Variants in ADAM23 observed in about 807,000 individuals in gnomAD.
ADAM23 encodes the protein ADAM metallopeptidase domain 23.
In ADAM23, 33 loss-of-function variants were observed where a neutral mutation model predicts 120.1. The ratio of observed to expected loss-of-function variants is 0.27; its 90% CI spans 0.21 to 0.37. ADAM23 has a LOEUF of 0.37. Among genes scored for constraint, ADAM23 ranks in the 10% least tolerant of loss-of-function variants. The pLI is 1.00. For synonymous variants in ADAM23, 367 were observed against 375.2 expected (o/e 0.98, Z 0.25); for missense variants, 862 against 1,058.2 (o/e 0.81, Z 2.57).
intron 3 of ADAM23, among the ~76,000 whole-genome samples, chr2:206,493,292 G>T (rs7593808): frequency 0.7 from 106,149 of 152,160 alleles, 37,480 homozygotes; most frequent in African/African-American, 0.79. Context: ...TTGTTCTAAT[G>T]CTTCTTCCAT....
Position 206,618,257 on chromosome 2 carries a change from C to G in ADAM23, c.*630C>G, listed in dbSNP as rs989468397. ...TCTCGGAGCCCCACTTCTTACCCCC[C>G]ACCTCCCACCCTCTATAATCCCCAC... is the stretch of plus-strand genomic sequence containing the variant. On this transcript the variant is annotated 3_prime_UTR_variant, in exon 26 of 26. Transcript: ENST00000264377. The G allele has an allele frequency of 6.6e-6, 1 of 152,120 alleles. No individual in the cohort carries two copies. Among genetic ancestry groups the G allele is most frequent in the South Asian group, 2.1e-4 (1 of 4,818 alleles). 9.4% of individuals were successfully genotyped at this position (152,120 alleles called of 1,614,324 possible).
intron 5 of ADAM23, among the ~76,000 whole-genome samples, 169 bp downstream of exon 5, chr2:206,542,303 A>G (rs561802363): frequency 6.6e-6 from 1 of 152,356 alleles, no homozygotes; most frequent in South Asian, 2.1e-4. Flanking sequence ...TAGTGTTTGC[A>G]GGAGATTCAG....
intron 21 of ADAM23, among the ~76,000 whole-genome samples, 195 bp from the exon 22 acceptor site, chr2:206,592,422 T>C (rs1698441855): frequency 6.6e-6 from 1 of 152,204 alleles, no homozygotes; most frequent in Non-Finnish European, 1.5e-5. Context: ...GGCACTTTGC[T>C]GTTCCAAACA....
intron 9 of ADAM23, among the ~76,000 whole-genome samples, chr2:206,551,441 C>T (rs1697523081): frequency 6.6e-6 from 1 of 151,996 alleles, no homozygotes; most frequent in African/African-American, 2.4e-5. Flanking sequence ...CTTGTTTTAT[C>T]AAAACAAAGT....
intron 25 of ADAM23, among the ~76,000 whole-genome samples, chr2:206,617,154 C>T (rs1480217481): frequency 1.3e-5 from 2 of 152,152 alleles, no homozygotes; most frequent in Non-Finnish European, 2.9e-5. Flanking sequence ...TATAGAACTG[C>T]TATAAGCCTG....
intron 3 of ADAM23, among the ~76,000 whole-genome samples, chr2:206,518,477 T>G (rs1159038641): frequency 6.6e-6 from 1 of 152,158 alleles, no homozygotes; most frequent in African/African-American, 2.4e-5. Context: ...AGTATATTTA[T>G]TTTTTAGTGT....
At position 206,543,248 on chromosome 2, in the gene ADAM23, G is replaced by C. The variant is rs1426319665; in HGVS notation, c.657-5G>C. ...CCCTCCTTTGTGTGGTTTCTTTTGT[G>C]CTAGTGGCATGTTTGAAGATGATAC... On this transcript the variant is annotated splice_polypyrimidine_tract_variant and splice_region_variant and intron_variant, in intron 5 of 25. Transcript: ENST00000264377. The C allele has an allele frequency of 6.2e-7, 1 of 1,613,600 alleles. No homozygotes were observed. The highest frequency in any genetic ancestry group is 8.5e-7 in the Non-Finnish European group (1 of 1,179,744).
At chr2:206,575,566 A>G in intron 18 of ADAM23, among the ~76,000 whole-genome samples, 1 of 152,158 alleles carries the variant, frequency 6.6e-6, no homozygotes, top group East Asian at 1.9e-4. Flanking sequence ...GTTGCTAGGC[A>G]TTGTGCTTTC....
At chr2:206,510,317 T>TA (rs1045195622) in intron 3 of ADAM23, among the ~76,000 whole-genome samples, 56 of 152,324 alleles carry the variant, frequency 3.7e-4, no homozygotes, top group African/African-American at 1.2e-3. Context: ...TATTACTTGC[T>TA]AAAAAAATCC....
At chr2:206,463,021 G>A (rs1261517202) in intron 2 of ADAM23, among the ~76,000 whole-genome samples, 1 of 152,172 alleles carries the variant, frequency 6.6e-6, no homozygotes, top group Non-Finnish European at 1.5e-5. Context: ...GGACTGCACT[G>A]GGTGATGAGC....
intron 4 of ADAM23, among the ~76,000 whole-genome samples, chr2:206,538,523 A>T (rs1697226549): frequency 6.6e-6 from 1 of 152,174 alleles, no homozygotes; most frequent in Admixed American, 6.6e-5. Context: ...AGGACTGTGT[A>T]GTTTCTTTTC....
intron 18 of ADAM23, among the ~76,000 whole-genome samples, chr2:206,584,144 T>C (rs1698274642): frequency 6.6e-6 from 1 of 152,172 alleles, no homozygotes; most frequent in Non-Finnish European, 1.5e-5. Context: ...TGTCTAGCCA[T>C]CCAGTGAGTC....
chr2:206,511,288 C>T (rs983787682), intron 3 of ADAM23, among the ~76,000 whole-genome samples: 1 of 152,190 alleles, frequency 6.6e-6, no homozygotes, highest in Middle Eastern at 3.4e-3. Flanking sequence ...TTGAACATTT[C>T]CTCTGTTTTC....
intron 2 of ADAM23, among the ~76,000 whole-genome samples, chr2:206,455,827 A>T (rs1363629301): frequency 6.6e-6 from 1 of 152,112 alleles, no homozygotes; most frequent in Non-Finnish European, 1.5e-5. Flanking sequence ...TAAGTTCCTC[A>T]TTTCCATTTC....
chr2:206,497,292 A>C (rs1474207183), intron 3 of ADAM23, among the ~76,000 whole-genome samples: 1 of 152,198 alleles, frequency 6.6e-6, no homozygotes, highest in African/African-American at 2.4e-5. Context: ...CACATCAAAA[A>C]GCTTATCCAC....
intron 4 of ADAM23, 97 bp from the exon 5 acceptor site, chr2:206,541,955 T>G (rs1378774264): frequency 8.1e-7 from 1 of 1,238,868 alleles, no homozygotes. Context: ...AGTGCACATA[T>G]ATGCCCATCC....
chr2:206,477,903 T>TATATATAC (rs762753300), intron 2 of ADAM23, among the ~76,000 whole-genome samples: 2,613 of 135,390 alleles, frequency 0.019, 60 homozygotes, highest in African/African-American at 0.036. Context: ...AAAAAATATA[T>TATATATAC]ATATATATAT....
rs573741174 is a variant in ADAM23 at position 206,545,493 on chromosome 2, AAATT to A, written c.721-1919_721-1916del. On this transcript the variant is annotated intron_variant, in intron 6 of 25. Transcript: ENST00000264377. ...AGAGCGAGACTCCATCTCAATAAAT[AAATT>A]AATTAATTAATTAATTTTGAAACAG... 3.0e-3 allele frequency among the ~76,000 whole-genome samples: 459 copies of A among 152,250 alleles called. 3 individuals carry two copies. The highest frequency in any genetic ancestry group is 0.011 in the African/African-American group (438 of 41,534).
At position 206,562,284 on chromosome 2, in the gene ADAM23, A is replaced by C. The variant is rs772939187; in HGVS notation, c.1336A>C (p.Arg446=). The change falls in exon 13 of 26, where the codon AGA becomes CGA. Residue 446 remains arginine (R), a synonymous_variant. Coordinates refer to ENST00000264377, the MANE Select transcript of ADAM23 (RefSeq NM_003812.4). ...TGGAATCCAATGGGAACCTTCTAGC[A>C]GAAAGCCAAGTATGTACACTGACCT... The part of the protein sequence containing the change: ...NLGIQWEPSS[R]KPKCDCTESW... 1 of 1,613,818 alleles carries C rather than the reference A, an allele frequency of 6.2e-7. No individual in the cohort carries two copies. The highest frequency in any genetic ancestry group is 1.3e-5 in the African/African-American group (1 of 74,952).
Sources: gnomAD v4.1 joint callset for allele counts (sites outside exome capture counted in the v4.1 genomes callset) on GRCh38, gnomAD v4.1.1 for gene constraint, MANE v1.5 for transcripts, NCBI Gene and HGNC (gene_info 2026-07-23, HGNC 2026-07-21) for gene names.